C12orf42: variants seen among roughly 807,000 people sequenced by gnomAD.
The protein encoded by C12orf42 is chromosome 12 open reading frame 42.
C12orf42 carries 25 observed loss-of-function variants against 21.6 expected under a neutral mutation model. The ratio of observed to expected loss-of-function variants is 1.16; its 90% confidence interval spans 0.84 to 1.62. The LOEUF (loss-of-function observed/expected upper bound fraction) is 1.62. C12orf42 is among the 40% of genes most tolerant of loss of function. The probability of loss-of-function intolerance (pLI) is 0.00; values close to 1 mark genes in which losing one functional copy is unlikely to be tolerated. For missense variants in C12orf42, 483 were observed against 459.3 expected (o/e 1.05, Z -0.47); for synonymous variants, 174 against 175.0 (o/e 0.99, Z 0.05).
intron 2 of C12orf42, among the ~76,000 whole-genome samples, chr12:103,449,265 C>T (rs540839531): frequency 6.6e-6 from 1 of 152,070 alleles, no homozygotes; most frequent in South Asian, 2.1e-4. Context: ...TGTATGTTCT[C>T]AATCATAATT....
chr12:103,377,768 G>C (rs2045830639), intron 3 of C12orf42, among the ~76,000 whole-genome samples: 1 of 152,002 alleles, frequency 6.6e-6, no homozygotes, highest in African/African-American at 2.4e-5. Context: ...GAACCTTCAG[G>C]ACCCAGGTTT....
At chr12:103,474,454 A>ATGTATGTATGTGTG (rs1555212293) in intron 2 of C12orf42, among the ~76,000 whole-genome samples, 98 of 149,372 alleles carry the variant, frequency 6.6e-4, no homozygotes, top group African/African-American at 2.2e-3. Context: ...GTATGTATGT[A>ATGTATGTATGTGTG]TGTGTGTGTG....
At chr12:103,324,310 T>G (rs892871652) in intron 4 of C12orf42, among the ~76,000 whole-genome samples, 8 of 152,166 alleles carry the variant, frequency 5.3e-5, no homozygotes, top group Non-Finnish European at 1.2e-4. Context: ...AGATAATAAC[T>G]TATGAGTAAT....
At chr12:103,465,288 G>C (rs1953032271) in intron 2 of C12orf42, among the ~76,000 whole-genome samples, 1 of 152,142 alleles carries the variant, frequency 6.6e-6, no homozygotes, top group Non-Finnish European at 1.5e-5. Context: ...GCAGTGGTTT[G>C]TACTTCTCTT....
At chr12:103,510,254 G>A in the C12orf42 span, among the ~76,000 whole-genome samples, 1 of 152,290 alleles carries the variant, frequency 6.6e-6, no homozygotes, top group African/African-American at 2.4e-5. Flanking sequence ...AGTAACTCAG[G>A]AATAGAAAAC....
At chr12:103,483,207 C>T (rs1254984119) in intron 1 of C12orf42, among the ~76,000 whole-genome samples, 1 of 151,982 alleles carries the variant, frequency 6.6e-6, no homozygotes, top group African/African-American at 2.4e-5. Flanking sequence ...CTAATGTGAA[C>T]TATGGATTTT....
chr12:103,174,555 G>T, the C12orf42 span, among the ~76,000 whole-genome samples: 1 of 147,152 alleles, frequency 6.8e-6, no homozygotes, highest in Admixed American at 6.7e-5. Context: ...ATAGAGATAG[G>T]ATTCAAACTC....
downstream of C12orf42, among the ~76,000 whole-genome samples, chr12:103,233,125 G>T (rs1441301212): frequency 6.6e-6 from 1 of 152,060 alleles, no homozygotes; most frequent in Admixed American, 6.6e-5. Context: ...ATCAAAGATC[G>T]ATTGACTATA....
chr12:103,237,038 C>T (rs979079564), downstream of C12orf42, among the ~76,000 whole-genome samples: 8 of 152,316 alleles, frequency 5.3e-5, no homozygotes, highest in East Asian at 1.5e-3. Flanking sequence ...AAGCACTATA[C>T]TTTTTAAAGT....
chr12:103,250,078 T>A (rs1684698488), intron 10 of C12orf42, among the ~76,000 whole-genome samples: 1 of 148,902 alleles, frequency 6.7e-6, no homozygotes, highest in Non-Finnish European at 1.5e-5. Context: ...TATCTATCTA[T>A]CTATCTATCT....
chr12:103,403,171 C>T (rs917034247), intron 2 of C12orf42, among the ~76,000 whole-genome samples: 10 of 152,122 alleles, frequency 6.6e-5, no homozygotes, highest in African/African-American at 2.2e-4. Context: ...GTCAGGAGAT[C>T]GAGACCACCC....
chr12:103,560,832 G>A, the C12orf42 span, among the ~76,000 whole-genome samples: 1 of 152,168 alleles, frequency 6.6e-6, no homozygotes, highest in Admixed American at 6.5e-5. Context: ...GATCATGCCT[G>A]CAAAGTACAC....
intron 2 of C12orf42, among the ~76,000 whole-genome samples, chr12:103,446,833 C>T (rs750234137): frequency 2.0e-5 from 3 of 151,926 alleles, no homozygotes; most frequent in Non-Finnish European, 4.4e-5. Context: ...TACATATGCA[C>T]GTAACATTGG....
At chr12:103,154,586 T>C in the C12orf42 span, among the ~76,000 whole-genome samples, 3 of 152,090 alleles carry the variant, frequency 2.0e-5, no homozygotes. Context: ...ATACTTATGA[T>C]AGAATGTTGA....
intron 1 of C12orf42, among the ~76,000 whole-genome samples, chr12:103,482,144 AAT>A (rs2138071860): frequency 6.6e-6 from 1 of 152,220 alleles, no homozygotes; most frequent in African/African-American, 2.4e-5. Flanking sequence ...CATACTTATC[AAT>A]ATGTTTCATA....
At chr12:103,301,885 A>G (rs2037673497), downstream of C12orf42, 2 of 550,184 alleles carry the variant, frequency 3.6e-6, no homozygotes, top group Non-Finnish European at 6.3e-6. Context: ...TCTTTGTAAC[A>G]CTGGGAGACA....
chr12:103,505,076 T>C, the C12orf42 span: 15 of 354,666 alleles, frequency 4.2e-5, no homozygotes, highest in East Asian at 9.6e-4. Context: ...TTTTTAAATA[T>C]CAGAATTTCC....
the C12orf42 span, among the ~76,000 whole-genome samples, chr12:103,083,927 A>T: frequency 1.3e-4 from 20 of 152,322 alleles, no homozygotes; most frequent in African/African-American, 4.6e-4. Context: ...ATCTCCATCA[A>T]CAGCCTGTTG....
intron 5 of C12orf42, among the ~76,000 whole-genome samples, chr12:103,272,903 AGT>A (rs1296563961): frequency 1.3e-5 from 2 of 152,142 alleles, no homozygotes. Flanking sequence ...ATGTCACCCA[AGT>A]GTGTTTTCTG....
Sources: allele counts gnomAD v4.1 joint callset (sites outside exome capture counted in the v4.1 genomes callset), GRCh38; gene constraint gnomAD v4.1.1; transcripts MANE v1.5; gene names NCBI Gene and HGNC (gene_info 2026-07-23, HGNC 2026-07-21).